The following CADM2 variants were observed in gnomAD, a reference collection of about 807,000 sequenced individuals.
CADM2 encodes cell adhesion molecule 2.
A neutral mutation model predicts 49.8 loss-of-function variants in CADM2; 12 were observed. The ratio of observed to expected loss-of-function variants is 0.24; its 90% CI spans 0.15 to 0.39. CADM2 has a LOEUF of 0.39. Ranked by LOEUF, CADM2 falls within the 10% of genes least tolerant of loss-of-function variation. The pLI is 1.00. For missense variants in CADM2, 378 were observed against 492.3 expected (o/e 0.77, Z 2.20); for synonymous variants, 214 against 175.4 (o/e 1.22, Z -1.74).
intron 2 of CADM2, among the ~76,000 whole-genome samples, chr3:85,783,789 G>T (rs1172517416): frequency 2.0e-5 from 3 of 152,168 alleles, no homozygotes; most frequent in African/African-American, 7.2e-5. Flanking sequence ...ATTAATGATG[G>T]ATTCTAAGCA....
In CADM2 at chr3:85,306,133, A is replaced by C. The variant is rs1250125533; in HGVS notation, c.61+346465A>C. 2.0e-5 allele frequency among the ~76,000 whole-genome samples: 3 copies of C among 151,722 alleles called. No individual in the cohort carries two copies. In the East Asian group the frequency reaches 5.8e-4, roughly 29 times the overall value. ...AGGTAGGTTAAAATATTTCTGTTCTATCTAAGGATGCATCTAAGGCGGTTC... is the reference window on the plus strand; with the variant it reads ...AGGTAGGTTAAAATATTTCTGTTCTCTCTAAGGATGCATCTAAGGCGGTTC... On this transcript the variant is annotated intron_variant, in intron 1 of 9. Coordinates refer to ENST00000383699, the MANE Select transcript of CADM2 (RefSeq NM_001167675.2).
intron 1 of CADM2, among the ~76,000 whole-genome samples, chr3:85,452,184 T>G (rs1452893350): frequency 6.6e-6 from 1 of 152,130 alleles, no homozygotes; most frequent in East Asian, 1.9e-4. Flanking sequence ...TTGGGAAAAT[T>G]TCTTGAAGCC....
At chr3:85,891,774 C>T (rs1714464795) in intron 5 of CADM2, among the ~76,000 whole-genome samples, 1 of 152,180 alleles carries the variant, frequency 6.6e-6, no homozygotes, top group Admixed American at 6.5e-5. Flanking sequence ...GACATATAGT[C>T]TCAAGGAAAT....
intron 1 of CADM2, among the ~76,000 whole-genome samples, chr3:85,184,465 G>T (rs1315197115): frequency 6.6e-6 from 1 of 151,808 alleles, no homozygotes; most frequent in Non-Finnish European, 1.5e-5. Context: ...ATATTACTCT[G>T]CTTATTATTT....
At chr3:85,729,342 A>T (rs145856869) in intron 2 of CADM2, among the ~76,000 whole-genome samples, 65 of 152,236 alleles carry the variant, frequency 4.3e-4, no homozygotes, top group African/African-American at 1.3e-3. Context: ...TGAGAGATAA[A>T]CTTCACTTCC....
intron 2 of CADM2, among the ~76,000 whole-genome samples, chr3:85,750,486 A>G (rs1404559462): frequency 6.6e-6 from 1 of 152,138 alleles, no homozygotes; most frequent in Non-Finnish European, 1.5e-5. Flanking sequence ...CTATGATTCA[A>G]TGAAGAACAC....
intron 1 of CADM2, among the ~76,000 whole-genome samples, chr3:84,997,420 A>G (rs929634865): frequency 6.6e-6 from 1 of 152,054 alleles, no homozygotes; most frequent in Admixed American, 6.6e-5. Context: ...AGAAAGAATT[A>G]TGTTTCCTTT....
intron 1 of CADM2, among the ~76,000 whole-genome samples, chr3:85,504,644 G>A (rs1178252780): frequency 1.3e-5 from 2 of 152,234 alleles, no homozygotes; most frequent in Non-Finnish European, 2.9e-5. Context: ...GCTGCAGGTG[G>A]AGCTGCCTGC....
chr3:85,137,361 G>A (rs1248132409), intron 1 of CADM2, among the ~76,000 whole-genome samples: 1 of 151,806 alleles, frequency 6.6e-6, no homozygotes, highest in African/African-American at 2.4e-5. Flanking sequence ...GCAGGTCCGT[G>A]GTGGTTTAGC....
intron 8 of CADM2, among the ~76,000 whole-genome samples, chr3:86,044,475 G>C (rs1421957825): frequency 2.0e-5 from 3 of 152,108 alleles, no homozygotes; most frequent in Non-Finnish European, 4.4e-5. Flanking sequence ...CATCATCACT[G>C]GCCATCAGAA....
At chr3:84,974,396 A>T (rs1304257753) in intron 1 of CADM2, among the ~76,000 whole-genome samples, 2 of 152,070 alleles carry the variant, frequency 1.3e-5, no homozygotes, top group East Asian at 3.8e-4. Flanking sequence ...TTTTGGTTTT[A>T]AAAGAAACTT....
chr3:85,743,820 T>C (rs1375933456), intron 2 of CADM2, among the ~76,000 whole-genome samples: 5 of 152,162 alleles, frequency 3.3e-5, no homozygotes, highest in Non-Finnish European at 7.3e-5. Context: ...GGTATAGATT[T>C]AGGAAGAAAA....
At chr3:85,568,463 C>CTTTCAT (rs1424573453) in intron 1 of CADM2, among the ~76,000 whole-genome samples, 16 of 13,186 alleles carry the variant, frequency 1.2e-3, no homozygotes, top group Admixed American at 2.1e-3. Context: ...TTCTTTCTTT[C>CTTTCAT]TCTTTCTCTC....
At chr3:85,889,666 T>C (rs1714151136) in intron 5 of CADM2, among the ~76,000 whole-genome samples, 1 of 152,192 alleles carries the variant, frequency 6.6e-6, no homozygotes, top group African/African-American at 2.4e-5. Flanking sequence ...GTATGAAGTG[T>C]TTTCAGAGTA....
intron 1 of CADM2, among the ~76,000 whole-genome samples, chr3:85,386,306 A>G (rs1343186487): frequency 6.6e-6 from 1 of 152,206 alleles, no homozygotes; most frequent in African/African-American, 2.4e-5. Flanking sequence ...AACGTGGTCC[A>G]ACCTTAGCAA....
At chr3:85,835,487 C>A (rs1040823369) in intron 3 of CADM2, among the ~76,000 whole-genome samples, 3 of 151,094 alleles carry the variant, frequency 2.0e-5, no homozygotes, top group Non-Finnish European at 4.4e-5. Context: ...AACAGAACTA[C>A]AGCTCTTAGT....
intron 1 of CADM2, among the ~76,000 whole-genome samples, chr3:84,987,122 T>C (rs2032617124): frequency 6.6e-6 from 1 of 151,850 alleles, no homozygotes; most frequent in South Asian, 2.1e-4. Flanking sequence ...TTCAATGGAA[T>C]GTGTTAGGGA....
intron 3 of CADM2, among the ~76,000 whole-genome samples, chr3:85,832,330 G>A (rs1246169338): frequency 6.6e-6 from 1 of 151,818 alleles, no homozygotes; most frequent in Non-Finnish European, 1.5e-5. Flanking sequence ...GAAGTTCAGG[G>A]TAGTATATCC....
chr3:85,741,129 C>G (rs1289689731), intron 2 of CADM2, among the ~76,000 whole-genome samples: 4 of 152,050 alleles, frequency 2.6e-5, no homozygotes, highest in Non-Finnish European at 5.9e-5. Context: ...TAATAGAACT[C>G]CAGGCAAAGA....
Sources: allele counts gnomAD v4.1 joint callset (sites outside exome capture counted in the v4.1 genomes callset), GRCh38; gene constraint gnomAD v4.1.1; transcripts MANE v1.5; gene names NCBI Gene and HGNC (gene_info 2026-07-23, HGNC 2026-07-21).